Variants in EXD1 observed in about 807,000 individuals in gnomAD.
The protein encoded by EXD1 is exonuclease 3'-5' domain containing 1.
A neutral mutation model predicts 49.1 loss-of-function variants in EXD1; 63 were observed. The observed-to-expected ratio is 1.28, with a 90% CI of 1.05 to 1.58. EXD1 has a LOEUF of 1.58. Ranked by LOEUF, EXD1 falls within the 40% of genes most tolerant of loss-of-function variation. EXD1 has a pLI of 0.00. For synonymous variants in EXD1, 234 were observed against 239.2 expected (o/e 0.98, Z 0.20); for missense variants, 748 against 666.0 (o/e 1.12, Z -1.36).
intron 7 of EXD1, among the ~76,000 whole-genome samples, chr15:41,197,494 G>A (rs1039916618): frequency 3.8e-4 from 57 of 151,698 alleles, no homozygotes; most frequent in African/African-American, 1.3e-3. Flanking sequence ...CTCCCAAAGC[G>A]CTGGGATTAC....
At chr15:41,190,416 G>A (rs903539227) in intron 10 of EXD1, 2 of 367,362 alleles carry the variant, frequency 5.4e-6, no homozygotes, top group Non-Finnish European at 1.1e-5. Context: ...GAGCTTGCAG[G>A]GTTGCAGTAA....
chr15:41,192,353 A>AT, intron 9 of EXD1: 1 of 151,784 alleles, frequency 6.6e-6, no homozygotes, highest in Non-Finnish European at 1.5e-5. Context: ...CTGGAGTGCA[A>AT]TGGTGTGATC....
chr15:41,190,019 A>G lies in EXD1; in HGVS notation c.974T>C (p.Met325Thr), dbSNP rs2046481420. ...LPLRLALLDE[M>T]MSDLTTLVDG... Reference sequence around the variant, plus strand: ...CACCAGGGTGGTTAGGTCAGACATCATCTCATCTAGGAGTGCCAAGCGAAG... The same window carrying G: ...CACCAGGGTGGTTAGGTCAGACATCGTCTCATCTAGGAGTGCCAAGCGAAG... Residue 325 changes from methionine to threonine, a missense_variant, in exon 11 of 12, where the codon ATG becomes ACG. Transcript: ENST00000458580. 6.2e-7 allele frequency: 1 copy of G among 1,614,020 alleles called. No individual in the cohort carries two copies. Among genetic ancestry groups the G allele is most frequent in the African/African-American group, 1.3e-5 (1 of 74,920 alleles).
At chr15:41,224,067 G>A (rs888976494) in intron 2 of EXD1, among the ~76,000 whole-genome samples, 1 of 151,686 alleles carries the variant, frequency 6.6e-6, no homozygotes, top group Admixed American at 6.6e-5. Flanking sequence ...AGTCTCCCAA[G>A]TAGCTGGGAT....
In EXD1 at chr15:41,216,789, A is replaced by G. The variant is rs1220336551; in HGVS notation, c.267T>C (p.His89=). The G allele has an allele frequency of 1.9e-6, 3 of 1,613,458 alleles. No individual in the cohort carries two copies. Among genetic ancestry groups the G allele is most frequent in the South Asian group, 1.1e-5 (1 of 90,966 alleles). Residue 89 remains histidine, a synonymous_variant, in exon 5 of 12, where the codon CAT becomes CAC. Transcript: ENST00000458580. ...VRAKASSVSL[H]AERTWMEKMK... ...TTTTCTCCATCCAGGTTCTTTCTGC[A>G]TGTAGACTATCCTTACAAGAAACAA...
chr15:41,188,015 C>CAA (rs11321304), intron 11 of EXD1, among the ~76,000 whole-genome samples: 7 of 111,660 alleles, frequency 6.3e-5, no homozygotes, highest in African/African-American at 2.0e-4. Flanking sequence ...AACCCCGTCT[C>CAA]AAAAAAAAAA....
intron 2 of EXD1, 145 bp downstream of exon 2, chr15:41,226,298 T>C: frequency 1.3e-6 from 1 of 792,186 alleles, no homozygotes; most frequent in Non-Finnish European, 1.9e-6. Flanking sequence ...CACATTGTTC[T>C]GTTTGGGAAA....
chr15:41,190,906 A>G (rs575550910), intron 10 of EXD1, among the ~76,000 whole-genome samples: 31,794 of 151,550 alleles, frequency 0.21, 3,643 homozygotes, highest in Non-Finnish European at 0.26. Flanking sequence ...TTGTTTATTT[A>G]TTTATTTATT....
intron 6 of EXD1, among the ~76,000 whole-genome samples, chr15:41,212,851 C>A (rs1268756550): frequency 6.6e-6 from 1 of 152,106 alleles, no homozygotes; most frequent in African/African-American, 2.4e-5. Flanking sequence ...CCAGCTTAGG[C>A]AACATAACGA....
chr15:41,185,973 A>C (rs2046400348), intron 11 of EXD1, among the ~76,000 whole-genome samples: 2 of 152,100 alleles, frequency 1.3e-5, no homozygotes, highest in Admixed American at 6.6e-5. Flanking sequence ...GCAAGTCATA[A>C]TTCTGATTCC....
At chr15:41,222,458 T>C (rs1001868616) in intron 2 of EXD1, among the ~76,000 whole-genome samples, 7 of 152,092 alleles carry the variant, frequency 4.6e-5, no homozygotes, top group African/African-American at 1.7e-4. Context: ...TGGAGTTCCA[T>C]CACCAATTCC....
chr15:41,230,528 AG>A lies in EXD1; in HGVS notation c.-104del. On this transcript the variant is annotated 5_prime_UTR_variant, in exon 1 of 12. Coordinates refer to ENST00000458580, the MANE Select transcript of EXD1 (RefSeq NM_001286441.2). Reference sequence around the variant, plus strand: ...CCATCGTTAGGGCTTTTTCCTCCGAAGGAAGTTTGGGAAATCTGGATCCTAA... The same window carrying A: ...CCATCGTTAGGGCTTTTTCCTCCGAAGAAGTTTGGGAAATCTGGATCCTAA... 2 of 1,614,206 alleles carry A rather than the reference AG, an allele frequency of 1.2e-6. No individual in the cohort carries two copies. The highest frequency in any genetic ancestry group is 1.1e-5 in the South Asian group (1 of 91,084).
chr15:41,199,747 T>TGTGATATACAATATATCATATATGTGA (rs558589077), intron 7 of EXD1, among the ~76,000 whole-genome samples: 2 of 99,760 alleles, frequency 2.0e-5, no homozygotes, highest in Non-Finnish European at 3.8e-5. Flanking sequence ...ATGTCATATA[T>TGTGATATACAATATATCATATATGTGA]TATATATGAT....
chr15:41,226,738 G>A, intron 1 of EXD1, 110 bp from the exon 2 acceptor site: 1 of 889,790 alleles, frequency 1.1e-6, no homozygotes, highest in Non-Finnish European at 1.6e-6. Flanking sequence ...GAATAATTCA[G>A]TTTTGTTCAT....
rs1314040013 is a variant in EXD1, at chr15:41,225,714, AT to A, written c.133+728del. Among the ~76,000 whole-genome samples the A allele has an allele frequency of 4.0e-5, 6 of 151,146 alleles. No homozygotes were observed. In the East Asian group the frequency reaches 1.2e-3, roughly 30 times the overall value. ...CCTGGCCAACAGGCTGTGTTTTTGT[AT>A]TTTTTGTACTAAAAATACAAAAATT... On this transcript the variant is annotated intron_variant, in intron 2 of 11. Transcript: ENST00000458580.
At chr15:41,185,937 C>T (rs2046400179) in intron 11 of EXD1, among the ~76,000 whole-genome samples, 1 of 152,088 alleles carries the variant, frequency 6.6e-6, no homozygotes, top group Admixed American at 6.6e-5. Context: ...TCAGTTGTTT[C>T]TCTTCAGTTT....
At chr15:41,198,851 G>T (rs986731369) in intron 7 of EXD1, among the ~76,000 whole-genome samples, 2 of 151,584 alleles carry the variant, frequency 1.3e-5, no homozygotes, top group Non-Finnish European at 2.9e-5. Flanking sequence ...GATTACAGGT[G>T]CCTGCCACCA....
chr15:41,193,165 G>C (rs1163337732), intron 9 of EXD1, among the ~76,000 whole-genome samples: 1 of 152,004 alleles, frequency 6.6e-6, no homozygotes, highest in African/African-American at 2.4e-5. Context: ...CAATCCTCCT[G>C]TCTCGGCCTC....
In EXD1 at chr15:41,188,686, C is replaced by CA. The variant is rs1425994802; in HGVS notation, c.1056+1250_1056+1251insT. Among the ~76,000 whole-genome samples, 5 of 152,106 alleles carry CA rather than the reference C, an allele frequency of 3.3e-5. No homozygotes were observed. The South Asian group carries it at 8.3e-4, about 25-fold the overall frequency. ...GGATTACAGGTATGAGCCACCGTAC[C>CA]TGGCCCTGGCCCTTTTTTTTGAGAC... is the stretch of plus-strand genomic sequence containing the variant. On this transcript the variant is annotated intron_variant, in intron 11 of 11. Transcript: ENST00000458580.
Sources: gnomAD v4.1 joint callset for allele counts (sites outside exome capture counted in the v4.1 genomes callset) on GRCh38, gnomAD v4.1.1 for gene constraint, MANE v1.5 for transcripts, NCBI Gene and HGNC (gene_info 2026-07-23, HGNC 2026-07-21) for gene names.